Variants in PCTP observed in about 807,000 individuals in gnomAD.
PCTP encodes START domain-containing protein 2.
Under a neutral mutation model 31.0 loss-of-function variants are expected in PCTP, and 27 were observed. The ratio of observed to expected loss-of-function variants is 0.87; its 90% CI spans 0.64 to 1.20. PCTP has a LOEUF of 1.20. Among genes scored for constraint, PCTP ranks in the 50% most tolerant of loss-of-function variants. PCTP has a pLI of 0.00. For synonymous variants in PCTP, 108 were observed against 101.2 expected (o/e 1.07, Z -0.40); for missense variants, 287 against 268.2 (o/e 1.07, Z -0.49).
intron 3 of PCTP, among the ~76,000 whole-genome samples, chr17:55,806,074 T>C (rs1460123936): frequency 6.6e-6 from 1 of 152,122 alleles, no homozygotes; most frequent in Non-Finnish European, 1.5e-5. Context: ...TGCCAAGTGC[T>C]TAAGTTATTT....
intron 3 of PCTP, among the ~76,000 whole-genome samples, chr17:55,805,797 A>G (rs1912558820): frequency 1.3e-5 from 2 of 151,904 alleles, no homozygotes; most frequent in Non-Finnish European, 2.9e-5. Flanking sequence ...TACCTATTAA[A>G]TCTTTTGGAA....
At chr17:55,782,889 G>A (rs1169400612) in intron 2 of PCTP, among the ~76,000 whole-genome samples, 11 of 152,108 alleles carry the variant, frequency 7.2e-5, no homozygotes, top group Admixed American at 6.5e-4. Context: ...TTTATTTTCT[G>A]TTCATTTATT....
chr17:55,775,347 C>G (rs1911270761), intron 5 of PCTP: 2 of 1,232,452 alleles, frequency 1.6e-6, no homozygotes, highest in Non-Finnish European at 2.0e-6. Flanking sequence ...TCACTAGAGA[C>G]TGCCCAGGAG....
chr17:55,842,523 G>A (rs2145095880), intron 5 of PCTP, among the ~76,000 whole-genome samples: 1 of 152,282 alleles, frequency 6.6e-6, no homozygotes, highest in South Asian at 2.1e-4. Flanking sequence ...AGTTTAAAAA[G>A]TGAAGAACCA....
At chr17:55,826,569 C>A (rs183193154), downstream of PCTP, among the ~76,000 whole-genome samples, 125 of 152,106 alleles carry the variant, frequency 8.2e-4, no homozygotes, top group Admixed American at 2.5e-3. Context: ...GGATATAGTT[C>A]GGGATTTCTG....
At chr17:55,771,253 A>G (rs554092329) in intron 3 of PCTP, 68 bp downstream of exon 3, 18 of 1,226,284 alleles carry the variant, frequency 1.5e-5, no homozygotes, top group East Asian at 1.2e-4. Context: ...GCTGCAGTCT[A>G]TTGCAGAGAG....
At chr17:55,806,443 T>G (rs1384408126) in intron 3 of PCTP, among the ~76,000 whole-genome samples, 1 of 152,120 alleles carries the variant, frequency 6.6e-6, no homozygotes, top group Non-Finnish European at 1.5e-5. Context: ...AAAACAAGAC[T>G]GTGTGTTGGG....
chr17:55,786,140 T>C lies in PCTP; in HGVS notation c.229-1426T>C, dbSNP rs140692462. 7.9e-5 allele frequency among the ~76,000 whole-genome samples: 12 copies of C among 152,052 alleles called. No individual in the cohort carries two copies. The East Asian group carries it at 2.3e-3, about 29-fold the overall frequency. On this transcript the variant is annotated intron_variant, in intron 2 of 3. Coordinates refer to the PCTP transcript ENST00000572536. ...TCTACCAAAAAGTACAAAAATTAGC[T>C]AGGCGTGGTGGCGCAGGCCTGTAAT...
chr17:55,837,352 A>G (rs1021976923), intron 5 of PCTP, among the ~76,000 whole-genome samples: 12 of 152,202 alleles, frequency 7.9e-5, no homozygotes, highest in Non-Finnish European at 1.0e-4. Context: ...GAACGTGTGC[A>G]CTAGACTCTT....
intron 5 of PCTP, chr17:55,775,442 C>T: frequency 8.1e-7 from 1 of 1,231,508 alleles, no homozygotes; most frequent in Non-Finnish European, 1.0e-6. Context: ...AGTGAAAAAG[C>T]ACATCAACTT....
intron 3 of PCTP, among the ~76,000 whole-genome samples, chr17:55,788,593 T>C (rs1911837395): frequency 2.0e-5 from 3 of 152,210 alleles, no homozygotes; most frequent in African/African-American, 7.2e-5. Flanking sequence ...ATGTATAGAC[T>C]TATTATACTT....
downstream of PCTP, among the ~76,000 whole-genome samples, chr17:55,845,576 T>G (rs546271770): frequency 1.1e-4 from 17 of 152,326 alleles, no homozygotes; most frequent in African/African-American, 4.1e-4. Context: ...CCCTGGAAAT[T>G]AAATTATATT....
In PCTP at chr17:55,809,523, C is replaced by CTT. The variant is rs1433337764; in HGVS notation, c.318-13223_318-13222dup. On this transcript the variant is annotated intron_variant, in intron 3 of 3. Coordinates refer to the PCTP transcript ENST00000572536. ...TCCAAAATCAGAGCATTCTCAGAGT[C>CTT]TTTTTTTTTTTTTTTTGGAGACGAA... Among the ~76,000 whole-genome samples the CTT allele has an allele frequency of 6.1e-4, 78 of 128,712 alleles. 1 individual carries two copies. Among genetic ancestry groups the CTT allele is most frequent in the South Asian group, 1.7e-3 (7 of 4,048 alleles). 84.4% of individuals were successfully genotyped at this position (128,712 alleles called of 152,430 possible).
chr17:55,780,669 TTG>T (rs1731931953), downstream of PCTP, among the ~76,000 whole-genome samples: 1 of 152,208 alleles, frequency 6.6e-6, no homozygotes, highest in Non-Finnish European at 1.5e-5. Flanking sequence ...TGCTTAGTTG[TTG>T]TGTTATTGTA....
chr17:55,844,316 G>T (rs1906075599), downstream of PCTP, among the ~76,000 whole-genome samples: 1 of 152,116 alleles, frequency 6.6e-6, no homozygotes. Context: ...CTTTCTTTAT[G>T]CATCCATTCC....
chr17:55,771,069 G>A lies in PCTP; in HGVS notation c.260-37G>A, dbSNP rs762631659. 4.6e-6 allele frequency: 7 copies of A among 1,517,058 alleles called. No homozygotes were observed. In the African/African-American group the frequency reaches 9.6e-5, roughly 21 times the overall value. 94.0% of individuals were successfully genotyped at this position (1,517,058 alleles called of 1,614,324 possible). The stretch of plus-strand genomic sequence containing the variant: ...ACCCTTATTAGTTGTAGCTAAAAAG[G>A]CTTCCAGATGCATTAACTTCTTTTG... On this transcript the variant is annotated intron_variant, in intron 2 of 5. Coordinates refer to ENST00000268896, the MANE Select transcript of PCTP (RefSeq NM_021213.4).
chr17:55,785,824 G>A (rs866817725), intron 2 of PCTP, among the ~76,000 whole-genome samples: 1 of 152,148 alleles, frequency 6.6e-6, no homozygotes, highest in African/African-American at 2.4e-5. Flanking sequence ...TGATTATAGG[G>A]CTACTTTGTA....
chr17:55,789,992 G>A (rs1911897777), intron 3 of PCTP, among the ~76,000 whole-genome samples: 1 of 152,152 alleles, frequency 6.6e-6, no homozygotes, highest in Non-Finnish European at 1.5e-5. Flanking sequence ...TGCAAGCCTG[G>A]TTCAATATAT....
At chr17:55,823,945 A>G (rs1448979278), downstream of PCTP, among the ~76,000 whole-genome samples, 1 of 152,160 alleles carries the variant, frequency 6.6e-6, no homozygotes, top group Non-Finnish European at 1.5e-5. Context: ...CATTAGGTCT[A>G]CTGTCTAGAC....
Sources: gnomAD v4.1 joint callset for allele counts (sites outside exome capture counted in the v4.1 genomes callset) on GRCh38, gnomAD v4.1.1 for gene constraint, MANE v1.5 for transcripts, NCBI Gene and HGNC (gene_info 2026-07-23, HGNC 2026-07-21) for gene names.